The following APC2 variants were observed in gnomAD, a reference collection of about 807,000 sequenced individuals.
The protein encoded by APC2 is APC regulator of Wnt signaling pathway 2.
APC2 carries 41 observed loss-of-function variants against 72.5 expected under a neutral mutation model. That is an observed-to-expected ratio of 0.57 (90% CI 0.44 to 0.73). The LOEUF (loss-of-function observed/expected upper bound fraction) is 0.73, where lower values mean the gene tolerates loss of function less well. Among genes scored for constraint, APC2 ranks in the 30% least tolerant of loss-of-function variants. APC2 has a pLI of 0.00. For synonymous variants in APC2, 1,898 were observed against 1,612.0 expected (o/e 1.18, Z -4.25); for missense variants, 3,729 against 3,403.4 (o/e 1.10, Z -2.38).
chr19:1,448,823 TAC>T (rs1276057290), upstream of APC2, among the ~76,000 whole-genome samples: 30 of 136,324 alleles, frequency 2.2e-4, no homozygotes, highest in African/African-American at 8.3e-4. Flanking sequence ...CAGCCTGGGC[TAC>T]AGAGCAAGAC....
At chr19:1,455,538 G>A (rs1490861870) in intron 6 of APC2, 38 bp downstream of exon 6, 3 of 1,564,080 alleles carry the variant, frequency 1.9e-6, no homozygotes, top group Non-Finnish European at 2.6e-6. Flanking sequence ...GGTAGGCGGG[G>A]CCCTGCGCCA....
rs747135563 is a variant in APC2, at chr19:1,455,287, G to A, written c.522+30G>A. 2.4e-5 allele frequency: 37 copies of A among 1,562,484 alleles called. No homozygotes were observed. In the South Asian group the frequency reaches 4.3e-4, roughly 18 times the overall value. On this transcript the variant is annotated intron_variant, in intron 5 of 14. Coordinates refer to ENST00000590469, the MANE Select transcript of APC2 (RefSeq NM_005883.3). The stretch of plus-strand genomic sequence containing the variant: ...GCCGGCCGGGGAGCCAGGGGGCAGC[G>A]CGCCCGCCCCACTCAGGGTGCGGGA...
rs265274 is a variant in APC2, at chr19:1,472,008, T to C, written c.*1795T>C. 0.2 allele frequency: 29,809 copies of C among 152,388 alleles called. 6,551 individuals are homozygous for C. The highest frequency in any genetic ancestry group is 0.54 in the African/African-American group (22,541 of 41,492). 9.4% of individuals were successfully genotyped at this position (152,388 alleles called of 1,614,324 possible). A position where few individuals can be genotyped will look rare whatever the true frequency, so the allele number is the denominator to read the frequency against. The stretch of plus-strand genomic sequence containing the variant: ...CCCAGCAGGTGCTGGAGGTGCCCAA[T>C]GCTCCCTCCTAGGACCTCGCAGCCA... On this transcript the variant is annotated 3_prime_UTR_variant, in exon 15 of 15. Coordinates refer to ENST00000590469, the MANE Select transcript of APC2 (RefSeq NM_005883.3).
At chr19:1,458,175 C>T (rs1415662705) in intron 10 of APC2, 115 bp downstream of exon 10, 10 of 955,988 alleles carry the variant, frequency 1.0e-5, no homozygotes, top group Admixed American at 8.3e-5. Flanking sequence ...GGGATTGGAG[C>T]CCGGAGAGGG....
At chr19:1,461,757 C>G (rs1217129773) in intron 13 of APC2, 2 of 564,390 alleles carry the variant, frequency 3.5e-6, no homozygotes, top group African/African-American at 1.9e-5. Flanking sequence ...GAGGCTGAGG[C>G]AGGAGAATCG....
In APC2 at chr19:1,469,803, C is replaced by T; in HGVS notation, c.6502C>T (p.Pro2168Ser). The T allele has an allele frequency of 6.6e-7, 1 of 1,522,012 alleles. No homozygotes were observed. The highest frequency in any genetic ancestry group is 8.8e-7 in the Non-Finnish European group (1 of 1,142,204). The allele number at this position is 1,522,012 out of a possible 1,614,324, so 94.3% of individuals were successfully genotyped here. The part of the protein sequence containing the change: ...LRSTLPATAL[P>S]LRGSTPEDAP... ...CAGCACGCTTCCCGCCACGGCCCTG[C>T]CACTGCGGGGCTCCACGCCCGAGGA... The change falls in exon 15 of 15, where the codon CCA (proline) becomes TCA (serine). Residue 2168 changes from proline to serine, a missense_variant. Coordinates refer to ENST00000590469, the MANE Select transcript of APC2 (RefSeq NM_005883.3).
rs2084062091 is a variant in APC2, at chr19:1,468,309, G to A, written c.5008G>A (p.Glu1670Lys). Residue 1670 changes from glutamate to lysine, a missense_variant, in exon 15 of 15, where the codon GAG becomes AAG. Glu to Lys is a moderately conservative substitution (Grantham distance 56, BLOSUM62 1). Transcript: ENST00000590469. The part of the protein sequence containing the change: ...RPAEGSRERG[E>K]EAAGSDRASD... ...CGCAGAGGGGTCCCGGGAACGCGGC[G>A]AGGAGGCAGCGGGCTCGGACCGGGC... 5.2e-6 allele frequency: 8 copies of A among 1,546,650 alleles called. No homozygotes were observed. Among genetic ancestry groups the A allele is most frequent in the South Asian group, 1.2e-5 (1 of 83,500 alleles).
chr19:1,464,429 G>A (rs933606328), intron 14 of APC2, among the ~76,000 whole-genome samples: 3 of 151,922 alleles, frequency 2.0e-5, no homozygotes, highest in Admixed American at 1.3e-4. Context: ...CGTGGCTCAC[G>A]CCTGTAATCC....
intron 9 of APC2, chr19:1,457,517 C>CT (rs1043959815): frequency 1.6e-5 from 9 of 546,064 alleles, no homozygotes; most frequent in Admixed American, 7.5e-5. Context: ...CTTTGAGATT[C>CT]TTTTTTTGCA....
chr19:1,457,249 T>C lies in APC2; in HGVS notation c.1207+6T>C. On this transcript the variant is annotated splice_donor_region_variant and intron_variant, in intron 9 of 14. Coordinates refer to ENST00000590469, the MANE Select transcript of APC2 (RefSeq NM_005883.3). ...GGGAGGTGGCGCCGGCAGCGGTGAG[T>C]GCCTGGCCTGGTGGGCCCCCTCCGC... is the stretch of plus-strand genomic sequence containing the variant. 6.6e-7 allele frequency: 1 copy of C among 1,515,944 alleles called. No individual in the cohort carries two copies. The highest frequency in any genetic ancestry group is 2.6e-5 in the East Asian group (1 of 38,218). 93.9% of individuals were successfully genotyped at this position (1,515,944 alleles called of 1,614,324 possible). A position where few individuals can be genotyped will look rare whatever the true frequency, so the allele number is the denominator to read the frequency against.
At position 1,453,565 on chromosome 19, in the gene APC2, C is replaced by G; in HGVS notation, c.367C>G (p.Leu123Val). ...GCCCTCCAAGGACAGCTTTGGGGAG[C>G]TGAGCCGGGCCACCATCCGGCTGCT... ...SGPSKDSFGE[L>V]SRATIRLLEE... The change falls in exon 4 of 15, where the codon CTG becomes GTG. Residue 123 changes from leucine (L) to valine (V), a missense_variant. Physicochemically the swap from Leu to Val is conservative, Grantham distance 32. Coordinates refer to ENST00000590469, the MANE Select transcript of APC2 (RefSeq NM_005883.3). The G allele has an allele frequency of 2.5e-6, 4 of 1,610,604 alleles. No individual in the cohort carries two copies. The highest frequency in any genetic ancestry group is 3.4e-6 in the Non-Finnish European group (4 of 1,179,116).
chr19:1,468,540 A>C lies in APC2; in HGVS notation c.5239A>C (p.Ser1747Arg), dbSNP rs1236428384. ...KGRQAEGEMGSARRPEKRGAA... is the reference protein window; with the variant it reads ...KGRQAEGEMGRARRPEKRGAA... ...ACGACAGGCGGAGGGAGAAATGGGC[A>C]GTGCCCGGCGGCCAGAGAAAAGGGG... The change falls in exon 15 of 15, where the codon AGT becomes CGT. Residue 1747 changes from serine to arginine, a missense_variant. Transcript: ENST00000590469. 1 of 1,600,584 alleles carries C rather than the reference A, an allele frequency of 6.2e-7. No individual in the cohort carries two copies. The highest frequency in any genetic ancestry group is 1.7e-5 in the Admixed American group (1 of 59,472).
In APC2 at chr19:1,465,882, A is replaced by G. The variant is rs1263696639; in HGVS notation, c.2581A>G (p.Ile861Val). The G allele has an allele frequency of 3.2e-6, 5 of 1,568,552 alleles. No individual in the cohort carries two copies. Among genetic ancestry groups the G allele is most frequent in the Admixed American group, 3.9e-5 (2 of 51,884 alleles). ...VARIDQLVEDISALHTSSDDS... is the reference protein window; with the variant it reads ...VARIDQLVEDVSALHTSSDDS... ...GCGCATCGACCAGCTGGTGGAGGAC[A>G]TCTCCGCCCTGCACACCTCGTCCGA... Residue 861 changes from isoleucine to valine, a missense_variant, in exon 15 of 15, where the codon ATC (isoleucine) becomes GTC (valine). By Grantham distance (29) the Ile-to-Val change is conservative (BLOSUM62 3). Coordinates refer to ENST00000590469, the MANE Select transcript of APC2 (RefSeq NM_005883.3).
chr19:1,467,588 C>G lies in APC2; in HGVS notation c.4287C>G (p.Thr1429=), dbSNP rs998555146. 41 of 1,512,218 alleles carry G rather than the reference C, an allele frequency of 2.7e-5. No homozygotes were observed. The highest frequency in any genetic ancestry group is 3.4e-5 in the Non-Finnish European group (39 of 1,136,810). The allele number at this position is 1,512,218 out of a possible 1,614,324, so 93.7% of individuals were successfully genotyped here. ...GACCAGCGGGCAGGCAAAGACCCAC[C>G]GGCCGCCCCACCTCTGCCAGACAGG... ...PGGPAGRQRP[T]GRPTSARQAM... The change falls in exon 15 of 15, where the codon ACC becomes ACG. Residue 1429 remains threonine (T), a synonymous_variant. Transcript: ENST00000590469.
rs1033556225 is a variant in APC2, at chr19:1,467,040, C to T, written c.3739C>T (p.Arg1247Trp). Residue 1247 changes from arginine to tryptophan, a missense_variant, in exon 15 of 15, where the codon CGG becomes TGG. By Grantham distance (101) the Arg-to-Trp change is moderately radical. Transcript: ENST00000590469. The part of the protein sequence containing the change: ...VKRFLDIADC[R>W]ERCRLPSELD... ...GCGCTTCCTGGACATCGCCGACTGC[C>T]GGGAGCGCTGCCGGCTGCCATCTGA... 19 of 1,611,508 alleles carry T rather than the reference C, an allele frequency of 1.2e-5. No homozygotes were observed. In the Admixed American group the frequency reaches 2.3e-4, roughly 20 times the overall value.
Position 1,471,073 on chromosome 19 carries a change from G to C in APC2, c.*860G>C, listed in dbSNP as rs1285991417. ...CCCAAGGGTCGCTGGAGTCAGTATC[G>C]GCCCGGCGCAGCCGCGGCGGGCGAG... On this transcript the variant is annotated 3_prime_UTR_variant, in exon 15 of 15. Coordinates refer to ENST00000590469, the MANE Select transcript of APC2 (RefSeq NM_005883.3). 6.6e-6 allele frequency: 1 copy of C among 152,222 alleles called. No homozygotes were observed. The highest frequency in any genetic ancestry group is 2.4e-5 in the African/African-American group (1 of 41,440). 9.4% of individuals were successfully genotyped at this position (152,222 alleles called of 1,614,324 possible).
chr19:1,467,104 C>T lies in APC2; in HGVS notation c.3803C>T (p.Pro1268Leu). Residue 1268 changes from proline to leucine, a missense_variant, in exon 15 of 15, where the codon CCA becomes CTA. Coordinates refer to ENST00000590469, the MANE Select transcript of APC2 (RefSeq NM_005883.3). Reference protein sequence around the residue: ...AGSVRFTVEKPDENFSCASSL... With the variant: ...AGSVRFTVEKLDENFSCASSL... ...AGCGTGCGCTTTACCGTGGAGAAGC[C>T]AGACGAGAACTTCTCGTGCGCCTCC... The T allele has an allele frequency of 2.5e-6, 4 of 1,602,380 alleles. No individual in the cohort carries two copies. Among genetic ancestry groups the T allele is most frequent in the Non-Finnish European group, 3.4e-6 (4 of 1,173,820 alleles).
upstream of APC2, among the ~76,000 whole-genome samples, chr19:1,448,364 C>T (rs562059586): frequency 5.3e-4 from 81 of 151,638 alleles, no homozygotes; most frequent in African/African-American, 1.9e-3. Context: ...CCGACCAACA[C>T]GGTGAAACCC....
In APC2 at chr19:1,470,211, T is replaced by C; in HGVS notation, c.6910T>C (p.Ter2304GlnextTer26). Residue 2304 changes from the stop codon to glutamine (Q), a stop_lost, in exon 15 of 15, where the codon TAG becomes CAG. Coordinates refer to ENST00000590469, the MANE Select transcript of APC2 (RefSeq NM_005883.3). ...PATASATLLE[*>Q] is the part of the protein sequence containing the mutation. ...CACTGCCTCCGCCACCCTCCTGGAA[T>C]AGTGGCCTAGGCCGGCCTTCTGGAA... The C allele has an allele frequency of 6.3e-7, 1 of 1,588,888 alleles. No individual in the cohort carries two copies. The highest frequency in any genetic ancestry group is 8.5e-7 in the Non-Finnish European group (1 of 1,170,098).
Sources: gnomAD v4.1 joint callset for allele counts (sites outside exome capture counted in the v4.1 genomes callset) on GRCh38, gnomAD v4.1.1 for gene constraint, MANE v1.5 for transcripts, NCBI Gene and HGNC (gene_info 2026-07-23, HGNC 2026-07-21) for gene names.